MAP2K6: variants seen among roughly 807,000 people sequenced by gnomAD.
MAP2K6 encodes the protein mitogen-activated protein kinase kinase 6.
A neutral mutation model predicts 53.7 loss-of-function variants in MAP2K6; 16 were observed. The ratio of observed to expected loss-of-function variants is 0.30; its 90% CI spans 0.20 to 0.45. The LOEUF (loss-of-function observed/expected upper bound fraction) is 0.45, where lower values mean the gene tolerates loss of function less well. Ranked by LOEUF, MAP2K6 falls within the 20% of genes least tolerant of loss-of-function variation. MAP2K6 has a pLI of 1.00. For synonymous variants in MAP2K6, 132 were observed against 143.1 expected (o/e 0.92, Z 0.55); for missense variants, 204 against 411.9 (o/e 0.50, Z 4.37).
At chr17:69,485,557 T>G (rs1183450917) in intron 1 of MAP2K6, 86 of 619,556 alleles carry the variant, frequency 1.4e-4, no homozygotes, top group Non-Finnish European at 5.2e-5. Flanking sequence ...TTTCTTGGCT[T>G]CATGCTGCTT....
chr17:69,506,949 TTC>T (rs1237072672), intron 2 of MAP2K6, among the ~76,000 whole-genome samples: 1 of 147,536 alleles, frequency 6.8e-6, no homozygotes, highest in African/African-American at 2.5e-5. Flanking sequence ...TGTTTTCTTT[TTC>T]TCTTTTTTTT....
rs1473948907 is a variant in MAP2K6, at chr17:69,489,294, A to G, written c.17-16486A>G. Among the ~76,000 whole-genome samples the G allele has an allele frequency of 2.6e-5, 4 of 152,122 alleles. No individual in the cohort carries two copies. In the East Asian group the frequency reaches 7.7e-4, roughly 29 times the overall value. ...GAACATTGCATAGGTTACAGTGTAT[A>G]TGAGACTACATGGAACATATTTACT... On this transcript the variant is annotated intron_variant, in intron 1 of 11. Transcript: ENST00000590474.
intron 1 of MAP2K6, among the ~76,000 whole-genome samples, chr17:69,495,022 C>A (rs1283425976): frequency 2.7e-5 from 4 of 149,242 alleles, no homozygotes; most frequent in African/African-American, 7.4e-5. Flanking sequence ...AAACCAAAAA[C>A]CAAAAAACAA....
chr17:69,415,139 ATG>A, intron 1 of MAP2K6, 139 bp downstream of exon 1: 1 of 773,296 alleles, frequency 1.3e-6, no homozygotes, highest in East Asian at 2.5e-5. Context: ...CCTGTTTAGT[ATG>A]TGTCTTTTTT....
intron 1 of MAP2K6, among the ~76,000 whole-genome samples, chr17:69,445,016 G>C (rs1158283901): frequency 6.6e-6 from 1 of 152,188 alleles, no homozygotes; most frequent in Non-Finnish European, 1.5e-5. Flanking sequence ...TGCCACCCGG[G>C]TTCAAGAGAT....
chr17:69,421,075 C>T (rs1906063075), intron 1 of MAP2K6, among the ~76,000 whole-genome samples: 2 of 152,188 alleles, frequency 1.3e-5, no homozygotes, highest in African/African-American at 4.8e-5. Context: ...ATCTCTGACT[C>T]TTATAGCATT....
intron 1 of MAP2K6, among the ~76,000 whole-genome samples, chr17:69,469,898 A>G (rs1024734511): frequency 4.6e-5 from 7 of 152,058 alleles, no homozygotes; most frequent in African/African-American, 1.7e-4. Flanking sequence ...CAGAAGTTAG[A>G]AAGTAGAAAC....
intron 1 of MAP2K6, chr17:69,485,386 C>A: frequency 1.6e-6 from 1 of 623,106 alleles, no homozygotes; most frequent in Non-Finnish European, 2.0e-6. Context: ...ATCATGCCTG[C>A]AATTCAGCCT....
At chr17:69,428,149 G>T (rs906169773) in intron 1 of MAP2K6, among the ~76,000 whole-genome samples, 2 of 152,182 alleles carry the variant, frequency 1.3e-5, no homozygotes, top group African/African-American at 4.8e-5. Context: ...ATTCTAGTGG[G>T]ATGTCTATGT....
chr17:69,448,570 G>T (rs1907060312), intron 1 of MAP2K6, among the ~76,000 whole-genome samples: 1 of 151,778 alleles, frequency 6.6e-6, no homozygotes, highest in Non-Finnish European at 1.5e-5. Context: ...CCTGGCCAGG[G>T]CTCTTTTCAT....
intron 1 of MAP2K6, among the ~76,000 whole-genome samples, chr17:69,456,372 G>T (rs1169548862): frequency 1.3e-5 from 2 of 152,160 alleles, no homozygotes; most frequent in Non-Finnish European, 2.9e-5. Flanking sequence ...ATGGCCTGGG[G>T]TTTGTATTGA....
At chr17:69,450,099 TA>T (rs1907164478) in intron 1 of MAP2K6, among the ~76,000 whole-genome samples, 3 of 63,408 alleles carry the variant, frequency 4.7e-5, no homozygotes, top group Non-Finnish European at 6.2e-5. Flanking sequence ...CACACCTGGC[TA>T]ATTTTTTTTT....
chr17:69,505,442 C>CA (rs33993512), intron 1 of MAP2K6: 5,045 of 115,266 alleles, frequency 0.044, 204 homozygotes, highest in African/African-American at 0.13. Context: ...GACTCTGTCT[C>CA]AAAAAAAAAA....
chr17:69,493,207 G>A (rs1370915517), intron 1 of MAP2K6, among the ~76,000 whole-genome samples: 4 of 151,832 alleles, frequency 2.6e-5, no homozygotes, highest in East Asian at 1.9e-4. Context: ...TTGGGGAAGC[G>A]GAAAGAATGT....
intron 1 of MAP2K6, among the ~76,000 whole-genome samples, chr17:69,485,666 C>T (rs916077469): frequency 1.3e-5 from 2 of 152,192 alleles, no homozygotes; most frequent in East Asian, 1.9e-4. Flanking sequence ...GTTTGTCACC[C>T]GCTTTTGCCC....
intron 10 of MAP2K6, among the ~76,000 whole-genome samples, chr17:69,535,716 A>G (rs1184106373): frequency 2.6e-5 from 4 of 152,252 alleles, no homozygotes; most frequent in Admixed American, 2.0e-4. Flanking sequence ...GGTACCTGAC[A>G]GTGAAGAGAT....
At chr17:69,520,085 C>T in intron 5 of MAP2K6, 185 bp from the exon 6 acceptor site, 1 of 556,196 alleles carries the variant, frequency 1.8e-6, no homozygotes. Context: ...CTGGTTTGCT[C>T]TTTGTAGATA....
chr17:69,429,642 T>G (rs1044624641), intron 1 of MAP2K6, among the ~76,000 whole-genome samples: 1 of 152,236 alleles, frequency 6.6e-6, no homozygotes, highest in Non-Finnish European at 1.5e-5. Context: ...GTGATCTGGG[T>G]ACCTTTAGTA....
At chr17:69,455,403 A>G (rs928487212) in intron 1 of MAP2K6, among the ~76,000 whole-genome samples, 7 of 152,150 alleles carry the variant, frequency 4.6e-5, no homozygotes, top group Non-Finnish European at 7.3e-5. Flanking sequence ...GGGCTACTGT[A>G]GCTCTAAATA....
Sources: gnomAD v4.1 joint callset for allele counts (sites outside exome capture counted in the v4.1 genomes callset) on GRCh38, gnomAD v4.1.1 for gene constraint, MANE v1.5 for transcripts, NCBI Gene and HGNC (gene_info 2026-07-23, HGNC 2026-07-21) for gene names.